Variants in ARHGAP6 observed in about 807,000 individuals in gnomAD.
ARHGAP6 encodes rho GTPase-activating protein 6.
In ARHGAP6, 16 loss-of-function variants were observed where a neutral mutation model predicts 55.7. That is an observed-to-expected ratio of 0.29 (90% CI 0.19 to 0.44). ARHGAP6 has a LOEUF of 0.44. ARHGAP6 is among the 20% of genes least tolerant of loss of function. The pLI, the probability that ARHGAP6 is intolerant of heterozygous loss-of-function variation, is 1.00. For missense variants in ARHGAP6, 698 were observed against 808.9 expected, an observed-to-expected ratio of 0.86 and a Z score of 1.66; for synonymous variants, 382 against 360.9, an observed-to-expected ratio of 1.06 and a Z score of -0.66.
At chrX:11,664,142 G>A in intron 1 of ARHGAP6, 99 bp downstream of exon 1, 1 of 830,662 alleles carries the variant, frequency 1.2e-6, no homozygotes, top group Non-Finnish European at 1.7e-6. Context: ...CCCTTAGTGG[G>A]TGCCTTGCTC....
chrX:11,195,959 C>CAAAAAAAAAAAAAAAAAAAAAA (rs1024986729), intron 3 of ARHGAP6, among the ~76,000 whole-genome samples: 1 of 8,413 alleles, frequency 1.2e-4, no homozygotes, highest in African/African-American at 3.0e-4. Flanking sequence ...ACTAAAAATA[C>CAAAAAAAAAAAAAAAAAAAAAA]AAAAAAAAAA....
At chrX:11,577,236 G>T (rs955018557) in intron 1 of ARHGAP6, among the ~76,000 whole-genome samples, 12 of 112,228 alleles carry the variant, frequency 1.1e-4, no homozygotes, top group African/African-American at 3.6e-4. Flanking sequence ...ACCACAGGAG[G>T]TAACACCAGG....
chrX:11,264,169 C>T (rs1037205768), intron 1 of ARHGAP6, among the ~76,000 whole-genome samples: 1 of 110,552 alleles, frequency 9.0e-6, no homozygotes, highest in Admixed American at 9.6e-5. Flanking sequence ...TTTGCCATCA[C>T]CATTTTCCTC....
intron 1 of ARHGAP6, among the ~76,000 whole-genome samples, chrX:11,589,926 G>A (rs2051784240): frequency 8.9e-6 from 1 of 111,999 alleles, no homozygotes; most frequent in Non-Finnish European, 1.9e-5. Flanking sequence ...GAATTTACAA[G>A]GTAATTATAC....
chrX:11,222,062 T>C (rs2147418429), intron 2 of ARHGAP6, among the ~76,000 whole-genome samples: 1 of 112,074 alleles, frequency 8.9e-6, no homozygotes, highest in South Asian at 3.7e-4. Flanking sequence ...AAAATGATTA[T>C]TTTCTATTAT....
intron 1 of ARHGAP6, among the ~76,000 whole-genome samples, chrX:11,575,452 A>T: frequency 8.9e-6 from 1 of 111,912 alleles, no homozygotes; most frequent in Non-Finnish European, 1.9e-5. Context: ...CCAAGACCTA[A>T]TAATGAATTT....
At chrX:11,397,162 A>G (rs945707922) in intron 1 of ARHGAP6, among the ~76,000 whole-genome samples, 8 of 111,917 alleles carry the variant, frequency 7.1e-5, no homozygotes, top group African/African-American at 2.6e-4. Flanking sequence ...AGCTGTGGAC[A>G]TGTCAGGGTC....
chrX:11,498,214 T>C (rs1247815040), intron 1 of ARHGAP6, among the ~76,000 whole-genome samples: 1 of 111,633 alleles, frequency 9.0e-6, no homozygotes, highest in Non-Finnish European at 1.9e-5. Flanking sequence ...CATGCACGTA[T>C]ATGAGAATTT....
intron 1 of ARHGAP6, among the ~76,000 whole-genome samples, chrX:11,407,933 T>C (rs1038335973): frequency 9.0e-6 from 1 of 111,469 alleles, no homozygotes; most frequent in African/African-American, 3.3e-5. Context: ...ATGAATGTTC[T>C]AAGGAATTTA....
intron 1 of ARHGAP6, among the ~76,000 whole-genome samples, chrX:11,452,318 T>C (rs1446205131): frequency 9.0e-6 from 1 of 111,271 alleles, no homozygotes. Context: ...CAGCTACTTT[T>C]TGTATTTTTA....
At chrX:11,255,021 C>G (rs924300539) in intron 1 of ARHGAP6, among the ~76,000 whole-genome samples, 13 of 111,469 alleles carry the variant, frequency 1.2e-4, no homozygotes, top group African/African-American at 3.9e-4. Flanking sequence ...ATGGGAACTT[C>G]TAACTTTTGT....
At chrX:11,223,895 C>T (rs2047007798) in intron 2 of ARHGAP6, among the ~76,000 whole-genome samples, 1 of 111,210 alleles carries the variant, frequency 9.0e-6, no homozygotes, top group African/African-American at 3.3e-5. Flanking sequence ...TTGTTTTCAG[C>T]ACATAAAGAA....
At chrX:11,362,435 C>T (rs938704847) in intron 1 of ARHGAP6, among the ~76,000 whole-genome samples, 3 of 109,903 alleles carry the variant, frequency 2.7e-5, no homozygotes, top group Non-Finnish European at 3.8e-5. Flanking sequence ...AGTTCTCACT[C>T]ATAGATGGGA....
intron 2 of ARHGAP6, among the ~76,000 whole-genome samples, chrX:11,210,638 C>T (rs1235916052): frequency 8.9e-6 from 1 of 112,226 alleles, no homozygotes; most frequent in Non-Finnish European, 1.9e-5. Flanking sequence ...TGAAATTCCC[C>T]AGTTAGACTA....
chrX:11,353,948 A>G (rs973591330), intron 1 of ARHGAP6, among the ~76,000 whole-genome samples: 9 of 111,206 alleles, frequency 8.1e-5, no homozygotes, highest in African/African-American at 2.6e-4. Flanking sequence ...ATGCTTAGAA[A>G]GCCCAAAAAG....
intron 2 of ARHGAP6, among the ~76,000 whole-genome samples, chrX:11,205,775 A>G (rs2046696317): frequency 8.9e-6 from 1 of 111,842 alleles, no homozygotes; most frequent in African/African-American, 3.2e-5. Context: ...TATGGATCCT[A>G]CATCACTTGC....
In ARHGAP6 at chrX:11,397,300, C is replaced by T. The variant is rs1401831483; in HGVS notation, c.589-142593G>A. Among the ~76,000 whole-genome samples the T allele has an allele frequency of 2.7e-5, 3 of 110,946 alleles. No homozygotes were observed. In the Admixed American group the frequency reaches 2.9e-4, roughly 11 times the overall value. On this transcript the variant is annotated intron_variant, in intron 1 of 12. Coordinates refer to ENST00000337414, the MANE Select transcript of ARHGAP6 (RefSeq NM_013427.3). ...AAGAATATTAGTAGCACTGTACTTC[C>T]TGAAAGTCTGAGAAGAATTATTACC... is the stretch of plus-strand genomic sequence containing the variant.
At chrX:11,171,010 G>A (rs2046083055) in intron 8 of ARHGAP6, among the ~76,000 whole-genome samples, 1 of 111,387 alleles carries the variant, frequency 9.0e-6, no homozygotes, top group African/African-American at 3.3e-5. Context: ...CATGTCAGTG[G>A]TGTGGCAGGA....
At chrX:11,280,101 C>A (rs758974075) in intron 1 of ARHGAP6, among the ~76,000 whole-genome samples, 29 of 111,685 alleles carry the variant, frequency 2.6e-4, no homozygotes, top group African/African-American at 9.4e-4. Flanking sequence ...GCCCCCACAG[C>A]AAAGAATGAT....
Sources: gnomAD v4.1 joint callset for allele counts (sites outside exome capture counted in the v4.1 genomes callset) on GRCh38, gnomAD v4.1.1 for gene constraint, MANE v1.5 for transcripts, NCBI Gene and HGNC (gene_info 2026-07-23, HGNC 2026-07-21) for gene names.